The following UBL3 variants were observed in gnomAD, a reference collection of about 807,000 sequenced individuals.
UBL3 encodes the protein ubiquitin-like protein 3.
In UBL3, 6 loss-of-function variants were observed where a neutral mutation model predicts 18.4. That is an observed-to-expected ratio of 0.33 (90% CI 0.18 to 0.64). The LOEUF is 0.64. UBL3 is among the 30% of genes least tolerant of loss of function. The pLI, the probability that UBL3 is intolerant of heterozygous loss-of-function variation, is 0.76. For synonymous variants in UBL3, 49 were observed against 46.6 expected (o/e 1.05, Z -0.21); for missense variants, 109 against 142.9 (o/e 0.76, Z 1.21).
chr13:29,802,110 G>A (rs778707513), intron 1 of UBL3, among the ~76,000 whole-genome samples: 5 of 152,216 alleles, frequency 3.3e-5, no homozygotes, highest in African/African-American at 7.2e-5. Flanking sequence ...GAGGGGCCAC[G>A]CAGTGGAGCA....
chr13:29,802,027 C>T (rs1877784222), intron 1 of UBL3, among the ~76,000 whole-genome samples: 1 of 152,162 alleles, frequency 6.6e-6, no homozygotes, highest in Non-Finnish European at 1.5e-5. Context: ...TTGCAGCCAC[C>T]ACTTAAGTGG....
intron 1 of UBL3, among the ~76,000 whole-genome samples, chr13:29,804,673 C>T (rs1877856502): frequency 6.6e-6 from 1 of 152,150 alleles, no homozygotes; most frequent in Non-Finnish European, 1.5e-5. Flanking sequence ...ATTAATACTT[C>T]TATGCACACA....
intron 1 of UBL3, among the ~76,000 whole-genome samples, chr13:29,799,518 T>C (rs1290020211): frequency 1.3e-5 from 2 of 152,228 alleles, no homozygotes; most frequent in Admixed American, 1.3e-4. Context: ...ATAAATTACA[T>C]GATCACATAT....
chr13:29,774,082 C>A (rs537029094), intron 2 of UBL3, among the ~76,000 whole-genome samples: 42 of 152,062 alleles, frequency 2.8e-4, no homozygotes, highest in African/African-American at 9.6e-4. Flanking sequence ...TCTAAAACTG[C>A]TGAGTAGATT....
chr13:29,835,111 T>A (rs1344656743), intron 1 of UBL3, among the ~76,000 whole-genome samples: 2 of 24,214 alleles, frequency 8.3e-5, no homozygotes, highest in African/African-American at 8.6e-4. Flanking sequence ...TATATAAATA[T>A]ATATATATAT....
chr13:29,785,969 A>C (rs1317035103), intron 1 of UBL3, among the ~76,000 whole-genome samples: 1 of 152,250 alleles, frequency 6.6e-6, no homozygotes, highest in African/African-American at 2.4e-5. Context: ...ACAGTGAGTT[A>C]TAAAAAGTAA....
At chr13:29,834,873 T>A (rs968791761) in intron 1 of UBL3, among the ~76,000 whole-genome samples, 8 of 151,480 alleles carry the variant, frequency 5.3e-5, no homozygotes, top group African/African-American at 9.7e-5. Context: ...ACTTTCTCTA[T>A]CAATGAAATG....
chr13:29,790,441 T>G (rs1383267006), intron 1 of UBL3, among the ~76,000 whole-genome samples: 1 of 152,174 alleles, frequency 6.6e-6, no homozygotes, highest in Non-Finnish European at 1.5e-5. Context: ...AAAACCTTCT[T>G]CTCATTTGTC....
At chr13:29,791,402 C>T (rs1877474793) in intron 1 of UBL3, among the ~76,000 whole-genome samples, 1 of 152,186 alleles carries the variant, frequency 6.6e-6, no homozygotes, top group African/African-American at 2.4e-5. Flanking sequence ...AAGACAGGTA[C>T]TGTTATCTCC....
chr13:29,830,625 A>T (rs1878747760), intron 1 of UBL3, among the ~76,000 whole-genome samples: 1 of 152,236 alleles, frequency 6.6e-6, no homozygotes, highest in African/African-American at 2.4e-5. Flanking sequence ...CTATTCTGTA[A>T]TAGAAATATT....
At chr13:29,804,110 A>G (rs1396982603) in intron 1 of UBL3, among the ~76,000 whole-genome samples, 1 of 151,954 alleles carries the variant, frequency 6.6e-6, no homozygotes, top group Non-Finnish European at 1.5e-5. Context: ...CTGAAATTAT[A>G]CTGCCATACT....
chr13:29,840,431 A>C (rs1283587015), intron 1 of UBL3, among the ~76,000 whole-genome samples: 1 of 152,230 alleles, frequency 6.6e-6, no homozygotes, highest in Admixed American at 6.5e-5. Flanking sequence ...CAATCTTCAC[A>C]AATTCTTCCA....
At chr13:29,835,687 G>A (rs560275643) in intron 1 of UBL3, among the ~76,000 whole-genome samples, 3 of 150,032 alleles carry the variant, frequency 2.0e-5, no homozygotes, top group Non-Finnish European at 3.0e-5. Flanking sequence ...CCTGGGAGGC[G>A]GAGGTTGCAG....
intron 1 of UBL3, among the ~76,000 whole-genome samples, chr13:29,839,218 C>T: frequency 6.6e-6 from 1 of 152,164 alleles, no homozygotes; most frequent in Non-Finnish European, 1.5e-5. Flanking sequence ...GGCACACTGT[C>T]AATTTTCTAA....
intron 1 of UBL3, among the ~76,000 whole-genome samples, chr13:29,843,317 C>T (rs1407266444): frequency 6.6e-6 from 1 of 152,128 alleles, no homozygotes; most frequent in Non-Finnish European, 1.5e-5. Context: ...TAACTATCAA[C>T]TATTTTAAAT....
intron 3 of UBL3, among the ~76,000 whole-genome samples, chr13:29,769,991 T>C (rs993579514): frequency 9.9e-5 from 15 of 152,190 alleles, no homozygotes; most frequent in African/African-American, 2.6e-4. Flanking sequence ...TGGCAGTCTA[T>C]TCTTTCTTTA....
chr13:29,817,482 G>A (rs569760174), intron 1 of UBL3, among the ~76,000 whole-genome samples: 3 of 152,224 alleles, frequency 2.0e-5, no homozygotes, highest in Admixed American at 6.5e-5. Flanking sequence ...TGATAAAGCC[G>A]GCTGAGGTGA....
intron 1 of UBL3, among the ~76,000 whole-genome samples, chr13:29,803,153 A>G (rs1593662014): frequency 6.6e-6 from 1 of 152,246 alleles, no homozygotes; most frequent in East Asian, 1.9e-4. Flanking sequence ...ATCCAGCCAA[A>G]CTAAGTTTAA....
intron 1 of UBL3, among the ~76,000 whole-genome samples, chr13:29,796,071 C>T (rs1040058427): frequency 1.3e-5 from 2 of 151,702 alleles, no homozygotes; most frequent in African/African-American, 4.8e-5. Context: ...AAAGATCTAC[C>T]GCAAAGGAAG....
Sources: allele counts gnomAD v4.1 joint callset (sites outside exome capture counted in the v4.1 genomes callset), GRCh38; gene constraint gnomAD v4.1.1; transcripts MANE v1.5; gene names NCBI Gene and HGNC (gene_info 2026-07-23, HGNC 2026-07-21).